The following RMST variants were observed in gnomAD, a reference collection of about 807,000 sequenced individuals.
RMST encodes rhabdomyosarcoma 2 associated transcript, also known as long intergenic non-protein coding RNA 54.
chr12:97,533,555 A>AT (rs1881842484), intron 11 of RMST: 1 of 151,724 alleles, frequency 6.6e-6, no homozygotes, highest in African/African-American at 2.4e-5. Flanking sequence ...GTTTAGTTTT[A>AT]TTTTTCTCTG....
At chr12:97,506,866 T>G (rs1265214088) in intron 10 of RMST, among the ~76,000 whole-genome samples, 2 of 151,928 alleles carry the variant, frequency 1.3e-5, no homozygotes, top group Non-Finnish European at 2.9e-5. Flanking sequence ...ATATTTTTAG[T>G]AGAGACGGGG....
At chr12:97,557,323 C>T (rs559061104) in intron 11 of RMST, among the ~76,000 whole-genome samples, 1 of 152,114 alleles carries the variant, frequency 6.6e-6, no homozygotes, top group South Asian at 2.1e-4. Context: ...TTGCAGTACA[C>T]CTGAGAGGTT....
intron 5 of RMST, among the ~76,000 whole-genome samples, chr12:97,485,793 A>AC (rs1307104041): frequency 6.6e-5 from 10 of 152,364 alleles, no homozygotes; most frequent in African/African-American, 2.4e-4. Context: ...AGGCGCAGCC[A>AC]TCTTGGAAAC....
chr12:97,480,061 A>AT (rs1875046445), intron 5 of RMST, among the ~76,000 whole-genome samples: 1 of 149,080 alleles, frequency 6.7e-6, no homozygotes, highest in South Asian at 2.1e-4. Flanking sequence ...GGAACTGCTA[A>AT]TTTTTCTTTT....
intron 5 of RMST, chr12:97,491,662 T>A (rs1453445397): frequency 4.3e-6 from 1 of 234,258 alleles, no homozygotes; most frequent in Non-Finnish European, 9.3e-6. Flanking sequence ...ACTTGGGCAA[T>A]ACCAAATGTT....
chr12:97,470,012 A>G (rs1207438080), intron 5 of RMST, among the ~76,000 whole-genome samples: 3 of 152,054 alleles, frequency 2.0e-5, no homozygotes, highest in Non-Finnish European at 2.9e-5. Context: ...TGATTTGCTC[A>G]TTGCCCCCAC....
intron 10 of RMST, among the ~76,000 whole-genome samples, chr12:97,527,446 G>C (rs1812349846): frequency 6.6e-6 from 1 of 152,176 alleles, no homozygotes; most frequent in Non-Finnish European, 1.5e-5. Flanking sequence ...AACAGCCTTA[G>C]GTGACTGCTC....
At chr12:97,522,210 G>A (rs1880583875) in intron 10 of RMST, among the ~76,000 whole-genome samples, 1 of 152,276 alleles carries the variant, frequency 6.6e-6, no homozygotes, top group African/African-American at 2.4e-5. Context: ...GTTACTATAT[G>A]AGAATTCATT....
intron 10 of RMST, among the ~76,000 whole-genome samples, chr12:97,508,667 T>G (rs1162340702): frequency 6.6e-6 from 1 of 152,202 alleles, no homozygotes; most frequent in East Asian, 1.9e-4. Context: ...TTTTTTGTTG[T>G]TGTTGTGTTT....
At chr12:97,510,385 A>AT (rs1342162481) in intron 10 of RMST, among the ~76,000 whole-genome samples, 2 of 152,224 alleles carry the variant, frequency 1.3e-5, no homozygotes, top group African/African-American at 4.8e-5. Context: ...AGTGATTTCC[A>AT]TGAGTCACTT....
intron 11 of RMST, among the ~76,000 whole-genome samples, chr12:97,557,627 T>G (rs1052294162): frequency 5.9e-5 from 9 of 152,164 alleles, no homozygotes; most frequent in African/African-American, 1.9e-4. Context: ...ACAAAGTCCA[T>G]GTTTAGACTT....
At chr12:97,472,308 A>G (rs1347696286) in intron 5 of RMST, among the ~76,000 whole-genome samples, 1 of 152,156 alleles carries the variant, frequency 6.6e-6, no homozygotes, top group Non-Finnish European at 1.5e-5. Flanking sequence ...CGGGAGACAT[A>G]CATGGACTCT....
At chr12:97,479,133 CTTT>C (rs386377507) in intron 5 of RMST, among the ~76,000 whole-genome samples, 9 of 69,042 alleles carry the variant, frequency 1.3e-4, no homozygotes, top group African/African-American at 5.0e-4. Flanking sequence ...CTTGTCTTTG[CTTT>C]TTTTTTTTTT....
intron 11 of RMST, among the ~76,000 whole-genome samples, chr12:97,556,524 G>C (rs1468984237): frequency 6.6e-6 from 1 of 152,216 alleles, no homozygotes; most frequent in Non-Finnish European, 1.5e-5. Flanking sequence ...TTTATATTTA[G>C]AGCATCTCCA....
chr12:97,474,485 G>C (rs531511936), intron 5 of RMST, among the ~76,000 whole-genome samples: 2 of 151,926 alleles, frequency 1.3e-5, no homozygotes, highest in Admixed American at 1.3e-4. Context: ...TTCTTCAATG[G>C]AATTTCTTCC....
At chr12:97,505,602 C>T (rs1168917928) in intron 10 of RMST, among the ~76,000 whole-genome samples, 3 of 152,214 alleles carry the variant, frequency 2.0e-5, no homozygotes, top group Admixed American at 2.0e-4. Context: ...TCATTCTTAT[C>T]CATTAACTTA....
At chr12:97,524,856 G>A (rs940597683) in intron 10 of RMST, among the ~76,000 whole-genome samples, 1 of 152,224 alleles carries the variant, frequency 6.6e-6, no homozygotes, top group Non-Finnish European at 1.5e-5. Context: ...TTTGTAATGA[G>A]CAATGTGTTC....
chr12:97,517,869 T>G (rs1004693381), intron 10 of RMST, among the ~76,000 whole-genome samples: 1 of 152,082 alleles, frequency 6.6e-6, no homozygotes, highest in African/African-American at 2.4e-5. Context: ...GCATTAAAAT[T>G]TTTCTTACGT....
chr12:97,474,502 C>G (rs926707502), intron 5 of RMST, among the ~76,000 whole-genome samples: 2 of 151,770 alleles, frequency 1.3e-5, no homozygotes, highest in African/African-American at 4.8e-5. Flanking sequence ...TTCCCCTTTT[C>G]CCCCACCCTC....
Sources: allele counts gnomAD v4.1 joint callset (sites outside exome capture counted in the v4.1 genomes callset), GRCh38; gene constraint gnomAD v4.1.1; transcripts MANE v1.5; gene names NCBI Gene and HGNC (gene_info 2026-07-23, HGNC 2026-07-21).